Variants in CCDC171 observed in about 807,000 individuals in gnomAD.
CCDC171 encodes the protein coiled-coil domain containing 171, also known as coiled-coil domain-containing protein 171.
Under a neutral mutation model 168.2 loss-of-function variants are expected in CCDC171, and 177 were observed. The observed-to-expected ratio is 1.05, with a 90% confidence interval of 0.93 to 1.19. The LOEUF (loss-of-function observed/expected upper bound fraction) is 1.19. Among genes scored for constraint, CCDC171 ranks in the 50% most tolerant of loss-of-function variants. The pLI, the probability that CCDC171 is intolerant of heterozygous loss-of-function variation, is 0.00. For synonymous variants in CCDC171, 687 were observed against 540.8 expected (o/e 1.27, Z -3.75); for missense variants, 1,991 against 1,539.0 (o/e 1.29, Z -4.91).
chr9:15,641,075 G>T (rs996193622), intron 7 of CCDC171, among the ~76,000 whole-genome samples: 1 of 151,746 alleles, frequency 6.6e-6, no homozygotes, highest in African/African-American at 2.4e-5. Flanking sequence ...TCAGTCCCTT[G>T]GAATCACCTT....
intron 11 of CCDC171, among the ~76,000 whole-genome samples, chr9:15,699,608 C>G (rs1298586935): frequency 2.6e-5 from 4 of 151,776 alleles, no homozygotes; most frequent in African/African-American, 9.7e-5. Context: ...TACAGAGTGT[C>G]GACACAAAGG....
chr9:15,737,257 T>C (rs1466652128), intron 16 of CCDC171, among the ~76,000 whole-genome samples: 1 of 152,186 alleles, frequency 6.6e-6, no homozygotes, highest in Non-Finnish European at 1.5e-5. Context: ...AGGTATACTA[T>C]ATATTTTTTT....
intron 18 of CCDC171, among the ~76,000 whole-genome samples, chr9:15,760,096 G>A (rs1017753616): frequency 1.3e-5 from 2 of 152,156 alleles, no homozygotes; most frequent in Non-Finnish European, 1.5e-5. Context: ...TGAGGCAGAA[G>A]TATGTTTTTA....
chr9:15,557,627 G>C (rs2038919002), intron 1 of CCDC171, among the ~76,000 whole-genome samples: 1 of 152,156 alleles, frequency 6.6e-6, no homozygotes, highest in Admixed American at 6.5e-5. Flanking sequence ...TCAGCTTAAG[G>C]AGATTTTGTG....
chr9:15,909,189 G>C (rs1823231673), intron 24 of CCDC171, among the ~76,000 whole-genome samples: 1 of 152,144 alleles, frequency 6.6e-6, no homozygotes. Flanking sequence ...GCAAGGCTAA[G>C]GCCTTCTACC....
intron 25 of CCDC171, among the ~76,000 whole-genome samples, chr9:15,948,820 A>T (rs1333213242): frequency 2.0e-5 from 3 of 151,186 alleles, no homozygotes; most frequent in Admixed American, 6.6e-5. Context: ...GAAGCTCTTT[A>T]GTTTAATTAG....
intron 25 of CCDC171, among the ~76,000 whole-genome samples, chr9:15,954,466 C>G (rs1231072170): frequency 6.6e-6 from 1 of 151,926 alleles, no homozygotes; most frequent in African/African-American, 2.4e-5. Flanking sequence ...TGTTTAAATT[C>G]CACAATTTTG....
At chr9:16,076,800 G>A in the CCDC171 span, among the ~76,000 whole-genome samples, 2 of 152,190 alleles carry the variant, frequency 1.3e-5, no homozygotes, top group East Asian at 1.9e-4. Context: ...TAGGAGAGGT[G>A]TGAACAACTA....
At chr9:15,749,077 AC>A (rs1241488745) in intron 18 of CCDC171, among the ~76,000 whole-genome samples, 2 of 152,074 alleles carry the variant, frequency 1.3e-5, no homozygotes, top group African/African-American at 4.8e-5. Flanking sequence ...GACCCATCTC[AC>A]ACGCAGAGAT....
intron 21 of CCDC171, among the ~76,000 whole-genome samples, chr9:15,810,925 G>A (rs368489437): frequency 2.6e-5 from 4 of 152,380 alleles, no homozygotes; most frequent in South Asian, 2.1e-4. Flanking sequence ...TGCTGAGAGC[G>A]AGCCAGGGCT....
At chr9:15,665,645 G>T (rs533156404) in intron 8 of CCDC171, among the ~76,000 whole-genome samples, 5 of 152,124 alleles carry the variant, frequency 3.3e-5, no homozygotes, top group African/African-American at 4.8e-5. Flanking sequence ...GCTGGGTGTG[G>T]TGGTGTGCAC....
intron 9 of CCDC171, among the ~76,000 whole-genome samples, chr9:15,676,300 T>G (rs2049555204): frequency 6.6e-6 from 1 of 152,174 alleles, no homozygotes; most frequent in Admixed American, 6.6e-5. Flanking sequence ...GTTTTTAGCT[T>G]CCTTGTGATG....
At chr9:16,082,726 G>C in the CCDC171 span, among the ~76,000 whole-genome samples, 1 of 152,088 alleles carries the variant, frequency 6.6e-6, no homozygotes, top group Non-Finnish European at 1.5e-5. Context: ...AAGAGATGTG[G>C]TAACATAGAA....
chr9:15,628,224 G>T (rs1297118103), intron 7 of CCDC171, among the ~76,000 whole-genome samples: 7 of 152,066 alleles, frequency 4.6e-5, no homozygotes, highest in Non-Finnish European at 7.4e-5. Flanking sequence ...GCAGGGCGAG[G>T]CATTGCCTTA....
intron 8 of CCDC171, among the ~76,000 whole-genome samples, chr9:15,665,155 G>T (rs1300490106): frequency 1.3e-5 from 2 of 151,154 alleles, no homozygotes; most frequent in Admixed American, 6.6e-5. Context: ...TTGAGGGAAG[G>T]TCTCACTGTT....
intron 18 of CCDC171, among the ~76,000 whole-genome samples, chr9:15,760,382 A>G (rs995398269): frequency 2.0e-5 from 3 of 152,180 alleles, no homozygotes; most frequent in South Asian, 2.1e-4. Context: ...ATTAATTAGG[A>G]AAGAAAATTT....
At position 15,929,228 on chromosome 9, in the gene CCDC171, G is replaced by A. The variant is rs984517508; in HGVS notation, c.3753+8806G>A. Among the ~76,000 whole-genome samples, 7 of 151,682 alleles carry A rather than the reference G, an allele frequency of 4.6e-5. 1 individual carries two copies. The South Asian group carries it at 1.5e-3, about 32-fold the overall frequency. ...TTAGTAATTAAGTTGCAGAAAATAT[G>A]GATAGTAACTGGCAACATAATGCTC... On this transcript the variant is annotated intron_variant, in intron 25 of 25. Coordinates refer to ENST00000380701, the MANE Select transcript of CCDC171 (RefSeq NM_173550.4).
chr9:15,707,223 C>A (rs185485367), intron 11 of CCDC171, among the ~76,000 whole-genome samples: 1 of 152,156 alleles, frequency 6.6e-6, no homozygotes. Context: ...CTTCATTATA[C>A]TCATAGTTTC....
At chr9:15,752,267 A>G (rs554069315) in intron 18 of CCDC171, among the ~76,000 whole-genome samples, 1 of 152,328 alleles carries the variant, frequency 6.6e-6, no homozygotes, top group East Asian at 1.9e-4. Context: ...GATGCTGGAG[A>G]GGATGTGGAG....
Sources: allele counts gnomAD v4.1 joint callset (sites outside exome capture counted in the v4.1 genomes callset), GRCh38; gene constraint gnomAD v4.1.1; transcripts MANE v1.5; gene names NCBI Gene and HGNC (gene_info 2026-07-23, HGNC 2026-07-21).